MACROD2: variants seen among roughly 807,000 people sequenced by gnomAD.
MACROD2 encodes the protein mono-ADP ribosylhydrolase 2.
In MACROD2, 36 loss-of-function variants were observed where a neutral mutation model predicts 70.4. The observed-to-expected ratio is 0.51, with a 90% CI of 0.39 to 0.68. MACROD2 has a LOEUF of 0.68. Ranked by LOEUF, MACROD2 falls within the 30% of genes least tolerant of loss-of-function variation. The pLI is 0.00. For synonymous variants in MACROD2, 172 were observed against 178.8 expected, an observed-to-expected ratio of 0.96 and a Z score of 0.30; for missense variants, 496 against 538.4, an observed-to-expected ratio of 0.92 and a Z score of 0.78.
At chr20:14,243,912 G>T (rs1451686892) in intron 3 of MACROD2, among the ~76,000 whole-genome samples, 1 of 152,150 alleles carries the variant, frequency 6.6e-6, no homozygotes, top group Non-Finnish European at 1.5e-5. Context: ...TTCTATCACA[G>T]CATATGCTAG....
At chr20:15,213,353 C>A (rs1025472825) in intron 5 of MACROD2, among the ~76,000 whole-genome samples, 2 of 151,994 alleles carry the variant, frequency 1.3e-5, no homozygotes, top group African/African-American at 4.8e-5. Context: ...CTTCTTTGGA[C>A]TTAAATTACT....
At chr20:16,025,605 C>T (rs779367791) in intron 15 of MACROD2, among the ~76,000 whole-genome samples, 17 of 143,758 alleles carry the variant, frequency 1.2e-4, no homozygotes, top group Admixed American at 5.3e-4. Context: ...TTCAGGAAGC[C>T]GCCTGGGGAT....
At chr20:14,738,925 A>T (rs1362051722) in intron 5 of MACROD2, among the ~76,000 whole-genome samples, 1 of 152,066 alleles carries the variant, frequency 6.6e-6, no homozygotes, top group African/African-American at 2.4e-5. Context: ...ATTAATAAAA[A>T]TTTTAAAAGT....
At chr20:15,870,110 C>T (rs2064559053) in intron 9 of MACROD2, among the ~76,000 whole-genome samples, 1 of 151,978 alleles carries the variant, frequency 6.6e-6, no homozygotes, top group Non-Finnish European at 1.5e-5. Context: ...TTATAGTCTT[C>T]CAAACATGTA....
intron 10 of MACROD2, among the ~76,000 whole-genome samples, chr20:15,930,522 T>G (rs904168906): frequency 6.6e-6 from 1 of 152,218 alleles, no homozygotes; most frequent in Non-Finnish European, 1.5e-5. Flanking sequence ...TGGAAATTGA[T>G]GAAAGCAATA....
intron 5 of MACROD2, among the ~76,000 whole-genome samples, chr20:15,045,477 G>A (rs1568546916): frequency 6.6e-6 from 1 of 152,150 alleles, no homozygotes; most frequent in East Asian, 1.9e-4. Flanking sequence ...ATGTCTCCAC[G>A]TTGCGCGGAA....
chr20:15,937,438 G>C (rs754756202), intron 11 of MACROD2, 38 bp from the exon 12 acceptor site: 8 of 1,604,414 alleles, frequency 5.0e-6, no homozygotes, highest in Middle Eastern at 1.7e-4. Context: ...CTTCCGGAAG[G>C]ATGAACTCTG....
intron 8 of MACROD2, among the ~76,000 whole-genome samples, chr20:15,802,377 C>T (rs2063734011): frequency 1.3e-5 from 2 of 152,172 alleles, no homozygotes; most frequent in African/African-American, 4.8e-5. Flanking sequence ...CTATGTATAA[C>T]TTGTTAAGAG....
chr20:14,419,850 C>T (rs1012669974), intron 3 of MACROD2, among the ~76,000 whole-genome samples: 3 of 151,766 alleles, frequency 2.0e-5, no homozygotes, highest in African/African-American at 7.3e-5. Context: ...ATATCATGGG[C>T]ATTTTGTCAT....
intron 3 of MACROD2, among the ~76,000 whole-genome samples, chr20:14,360,560 A>C (rs2083211883): frequency 1.3e-5 from 2 of 152,180 alleles, no homozygotes; most frequent in African/African-American, 4.8e-5. Flanking sequence ...TGTTTGTAAA[A>C]AGAACTTGAA....
At chr20:14,048,427 G>C (rs1206177316) in intron 2 of MACROD2, among the ~76,000 whole-genome samples, 1 of 152,038 alleles carries the variant, frequency 6.6e-6, no homozygotes, top group Non-Finnish European at 1.5e-5. Context: ...TCCTTAGGAA[G>C]GAACTCAGAT....
rs1395748413 is a variant in MACROD2, at chr20:14,941,612, C to T, written c.418+256653C>T. ...TTCTCTGTAGCCCTGGAAACTGTCT[C>T]CTCATATTTTAGTTCTAGGGTATTG... is the stretch of plus-strand genomic sequence containing the variant. On this transcript the variant is annotated intron_variant, in intron 5 of 17. Coordinates refer to ENST00000684519, the MANE Select transcript of MACROD2 (RefSeq NM_001351661.2). Among the ~76,000 whole-genome samples the T allele has an allele frequency of 3.4e-4, 51 of 152,052 alleles. 1 individual carries two copies. Among genetic ancestry groups the T allele is most frequent in the Non-Finnish European group, 2.9e-5 (2 of 68,004 alleles).
intron 8 of MACROD2, among the ~76,000 whole-genome samples, chr20:15,514,345 G>C (rs925529966): frequency 2.6e-5 from 4 of 152,124 alleles, no homozygotes; most frequent in African/African-American, 9.7e-5. Flanking sequence ...GGTGGATGCC[G>C]TATGTAGGTG....
In MACROD2 at chr20:14,797,894, C is replaced by T. The variant is rs116742018; in HGVS notation, c.418+112935C>T. On this transcript the variant is annotated intron_variant, in intron 5 of 17. Coordinates refer to ENST00000684519, the MANE Select transcript of MACROD2 (RefSeq NM_001351661.2). Reference sequence around the variant, plus strand: ...GAATGAATGAATGAATGAATGGTGTCGAGAGGACTGCGGAGAAACATAAGG... The same window carrying T: ...GAATGAATGAATGAATGAATGGTGTTGAGAGGACTGCGGAGAAACATAAGG... Among the ~76,000 whole-genome samples the T allele has an allele frequency of 3.0e-4, 45 of 151,836 alleles. 1 individual carries two copies. The highest frequency in any genetic ancestry group is 1.1e-3 in the African/African-American group (44 of 41,236).
chr20:15,753,615 C>A (rs952346143), intron 8 of MACROD2, among the ~76,000 whole-genome samples: 1 of 152,154 alleles, frequency 6.6e-6, no homozygotes, highest in Non-Finnish European at 1.5e-5. Context: ...GATTTACTTT[C>A]TTTTGGATAC....
At chr20:15,071,260 A>G (rs776895823) in intron 5 of MACROD2, among the ~76,000 whole-genome samples, 1 of 152,224 alleles carries the variant, frequency 6.6e-6, no homozygotes, top group Non-Finnish European at 1.5e-5. Context: ...TTGGAATTCA[A>G]GAAGACATCT....
chr20:15,189,528 A>T (rs2076556372), intron 5 of MACROD2, among the ~76,000 whole-genome samples: 1 of 152,140 alleles, frequency 6.6e-6, no homozygotes, highest in South Asian at 2.1e-4. Flanking sequence ...TAACATCATA[A>T]CTGCTATTAT....
chr20:15,108,986 A>T lies in MACROD2; in HGVS notation c.419-120954A>T, dbSNP rs114287902. Among the ~76,000 whole-genome samples the T allele has an allele frequency of 2.1e-3, 313 of 152,300 alleles. 2 individuals are homozygous for T. The highest frequency in any genetic ancestry group is 6.9e-3 in the African/African-American group (286 of 41,574). On this transcript the variant is annotated intron_variant, in intron 5 of 17. Transcript: ENST00000684519. ...TATTACCACAGTTATTACATAGATCAAGGATCAGCCAACTAAAGCCTGTGG... is the reference window on the plus strand; with the variant it reads ...TATTACCACAGTTATTACATAGATCTAGGATCAGCCAACTAAAGCCTGTGG...
At chr20:14,578,544 T>G in intron 4 of MACROD2, among the ~76,000 whole-genome samples, 1 of 152,186 alleles carries the variant, frequency 6.6e-6, no homozygotes, top group East Asian at 1.9e-4. Flanking sequence ...AAATAATAAC[T>G]CAGGGCCCTT....
Sources: allele counts gnomAD v4.1 joint callset (sites outside exome capture counted in the v4.1 genomes callset), GRCh38; gene constraint gnomAD v4.1.1; transcripts MANE v1.5; gene names NCBI Gene and HGNC (gene_info 2026-07-23, HGNC 2026-07-21).